Variants in PPP3R1 observed in about 807,000 individuals in gnomAD.
The protein encoded by PPP3R1 is protein phosphatase 3 regulatory subunit B, alpha.
In PPP3R1, 5 loss-of-function variants were observed where a neutral mutation model predicts 22.6. The ratio of observed to expected loss-of-function variants is 0.22; its 90% CI spans 0.12 to 0.46. The LOEUF (loss-of-function observed/expected upper bound fraction) is 0.46, where lower values mean the gene tolerates loss of function less well. Ranked by LOEUF, PPP3R1 falls within the 20% of genes least tolerant of loss-of-function variation. PPP3R1 has a pLI of 0.99. For synonymous variants in PPP3R1, 56 were observed against 65.2 expected, an observed-to-expected ratio of 0.86 and a Z score of 0.68; for missense variants, 61 against 203.2, an observed-to-expected ratio of 0.30 and a Z score of 4.25.
chr2:68,206,759 A>G (rs923811235), intron 2 of PPP3R1, among the ~76,000 whole-genome samples: 11 of 152,194 alleles, frequency 7.2e-5, no homozygotes, highest in East Asian at 3.8e-4. Context: ...TGGCTAATCC[A>G]TAAGTACTTG....
intron 1 of PPP3R1, among the ~76,000 whole-genome samples, chr2:68,221,098 G>A (rs1459764382): frequency 6.6e-6 from 1 of 152,112 alleles, no homozygotes; most frequent in Non-Finnish European, 1.5e-5. Flanking sequence ...TTGGGAGGCC[G>A]AGGCAGGCAG....
intron 1 of PPP3R1, among the ~76,000 whole-genome samples, chr2:68,233,283 A>G (rs1312052205): frequency 6.6e-6 from 1 of 152,240 alleles, no homozygotes; most frequent in Non-Finnish European, 1.5e-5. Flanking sequence ...AGTTCATGAT[A>G]CAGAGAAAAT....
rs1553403013 is a variant in PPP3R1, at chr2:68,179,009, A to AAAAAAAAAAAAAAAAAAAAAAG, written c.*1953_*1954insCTTTTTTTTTTTTTTTTTTTTT. ...CACACACAAACTAAAAAAAAAAAAA[A>AAAAAAAAAAAAAAAAAAAAAAG]AAAAAAAGAAAAAGAAAAAACCCTC... On this transcript the variant is annotated 3_prime_UTR_variant, in exon 6 of 6. Coordinates refer to ENST00000234310, the MANE Select transcript of PPP3R1 (RefSeq NM_000945.4). 1.6e-5 allele frequency: 2 copies of AAAAAAAAAAAAAAAAAAAAAAG among 122,528 alleles called. No homozygotes were observed. Among genetic ancestry groups the AAAAAAAAAAAAAAAAAAAAAAG allele is most frequent in the East Asian group, 2.4e-4 (1 of 4,188 alleles). The allele number at this position is 122,528 out of a possible 1,614,324, so 7.6% of individuals were successfully genotyped here. A position where few individuals can be genotyped will look rare whatever the true frequency, so the allele number is the denominator to read the frequency against.
At chr2:68,189,359 A>C (rs552538865) in intron 2 of PPP3R1, among the ~76,000 whole-genome samples, 1 of 152,220 alleles carries the variant, frequency 6.6e-6, no homozygotes, top group Admixed American at 6.5e-5. Flanking sequence ...AACACTTTAA[A>C]AGAGAAAGAA....
chr2:68,231,563 AACT>A (rs1237129257), intron 1 of PPP3R1, among the ~76,000 whole-genome samples: 3 of 152,174 alleles, frequency 2.0e-5, no homozygotes, highest in African/African-American at 7.2e-5. Context: ...TTTTCCTCAA[AACT>A]ACTATTACAA....
chr2:68,210,696 A>C (rs1207426529), intron 2 of PPP3R1, among the ~76,000 whole-genome samples: 1 of 152,178 alleles, frequency 6.6e-6, no homozygotes, highest in East Asian at 1.9e-4. Flanking sequence ...GGAGGCTAAA[A>C]AATGAGCCTG....
At chr2:68,243,398 A>G (rs1336255712) in intron 1 of PPP3R1, among the ~76,000 whole-genome samples, 1 of 152,180 alleles carries the variant, frequency 6.6e-6, no homozygotes, top group Non-Finnish European at 1.5e-5. Context: ...CTATGGAGAA[A>G]ATTCAGAAAG....
chr2:68,180,783 T>C lies in PPP3R1; in HGVS notation c.*180A>G, dbSNP rs371265804. ...GACTTTAAAGTGCTACACTGAGTTATTGAGAGAATTACAGTTCAATAACAC... is the reference window on the plus strand; with the variant it reads ...GACTTTAAAGTGCTACACTGAGTTACTGAGAGAATTACAGTTCAATAACAC... On this transcript the variant is annotated 3_prime_UTR_variant, in exon 6 of 6. Transcript: ENST00000234310. 1.6e-5 allele frequency: 10 copies of C among 616,126 alleles called. No individual in the cohort carries two copies. Among genetic ancestry groups the C allele is most frequent in the Admixed American group, 5.7e-5 (2 of 35,360 alleles). The allele number at this position is 616,126 out of a possible 1,614,324, so 38.2% of individuals were successfully genotyped here.
intron 1 of PPP3R1, among the ~76,000 whole-genome samples, chr2:68,230,091 T>C (rs1451909332): frequency 1.3e-5 from 2 of 151,812 alleles, no homozygotes; most frequent in Non-Finnish European, 2.9e-5. Context: ...CTCCCAGGCT[T>C]AAGCAATGCC....
At chr2:68,208,552 C>A (rs1669383269) in intron 2 of PPP3R1, among the ~76,000 whole-genome samples, 1 of 152,158 alleles carries the variant, frequency 6.6e-6, no homozygotes, top group Non-Finnish European at 1.5e-5. Context: ...TAGTTTTGGT[C>A]AATTCTAACA....
Position 68,246,306 on chromosome 2 carries a change from C to T in PPP3R1, c.3+5819G>A, listed in dbSNP as rs908854075. On this transcript the variant is annotated intron_variant, in intron 1 of 5. Coordinates refer to ENST00000234310, the MANE Select transcript of PPP3R1 (RefSeq NM_000945.4). ...GTCGGGCTGGTCTCTAACTCCCGAC[C>T]TCATGATCCGCCCGCCTCAGCCTCC... Among the ~76,000 whole-genome samples, 19 of 152,022 alleles carry T rather than the reference C, an allele frequency of 1.2e-4. No homozygotes were observed. The East Asian group carries it at 3.5e-3, about 28-fold the overall frequency.
intron 2 of PPP3R1, among the ~76,000 whole-genome samples, chr2:68,212,660 TA>T (rs1205337368): frequency 6.6e-6 from 1 of 152,230 alleles, no homozygotes; most frequent in Non-Finnish European, 1.5e-5. Flanking sequence ...GTGTCAACAG[TA>T]GGCTTAAAAT....
chr2:68,189,160 A>C (rs1250329630), intron 2 of PPP3R1, among the ~76,000 whole-genome samples: 1 of 152,170 alleles, frequency 6.6e-6, no homozygotes, highest in Non-Finnish European at 1.5e-5. Context: ...CTAATAGTTC[A>C]TGACTCAAAA....
intron 1 of PPP3R1, among the ~76,000 whole-genome samples, chr2:68,242,169 G>A (rs1007745813): frequency 2.0e-5 from 3 of 152,110 alleles, no homozygotes; most frequent in Non-Finnish European, 2.9e-5. Flanking sequence ...TGGCTCACGC[G>A]TGTAATACCA....
At position 68,252,315 on chromosome 2, in the gene PPP3R1, G is replaced by A. The variant is rs866048419; in HGVS notation, c.-188C>T. On this transcript the variant is annotated 5_prime_UTR_variant, in exon 1 of 6. Transcript: ENST00000234310. ...CCGGCCGGGCGATTGGGCACGCGAG[G>A]GAGCGGGCAGGGTAGGGGGAAATAA... 231 of 1,022,654 alleles carry A rather than the reference G, an allele frequency of 2.3e-4. 2 individuals carry two copies. The African/African-American group carries it at 3.6e-3, about 16-fold the overall frequency. The allele number at this position is 1,022,654 out of a possible 1,614,324, so 63.3% of individuals were successfully genotyped here.
rs527768548 is a variant in PPP3R1, at chr2:68,198,117, AAT to A, written c.44-9429_44-9428del. On this transcript the variant is annotated intron_variant, in intron 2 of 5. Transcript: ENST00000234310. ...ATATATATGTAAACATATATATGTAAATATATATGTAAACATGTTTACATATA... is the reference window on the plus strand; with the variant it reads ...ATATATATGTAAACATATATATGTAAATATATGTAAACATGTTTACATATA... Among the ~76,000 whole-genome samples the A allele has an allele frequency of 2.0e-3, 287 of 141,518 alleles. 3 individuals carry two copies. Among genetic ancestry groups the A allele is most frequent in the African/African-American group, 7.1e-3 (274 of 38,800 alleles). 92.8% of individuals were successfully genotyped at this position (141,518 alleles called of 152,430 possible).
chr2:68,204,337 T>TATATATATATAGTCTG (rs1675062886), intron 2 of PPP3R1, among the ~76,000 whole-genome samples: 1 of 39,624 alleles, frequency 2.5e-5, no homozygotes, highest in Admixed American at 2.5e-4. Context: ...ACACACACAC[T>TATATATATATAGTCTG]ATATATATAT....
At position 68,229,963 on chromosome 2, in the gene PPP3R1, T is replaced by TACACAC. The variant is rs1381204435; in HGVS notation, c.4-12833_4-12832insGTGTGT. On this transcript the variant is annotated intron_variant, in intron 1 of 5. Coordinates refer to ENST00000234310, the MANE Select transcript of PPP3R1 (RefSeq NM_000945.4). ...GTGTGTATATATGTGTGTGTGTATA[T>TACACAC]ATACACACATACACACACACACACA... 5.1e-4 allele frequency among the ~76,000 whole-genome samples: 35 copies of TACACAC among 68,292 alleles called. 1 individual carries two copies. The highest frequency in any genetic ancestry group is 7.0e-4 in the Non-Finnish European group (26 of 37,228). The allele number at this position is 68,292 out of a possible 152,430, so 44.8% of individuals were successfully genotyped here.
chr2:68,208,050 G>A (rs1669359118), intron 2 of PPP3R1, among the ~76,000 whole-genome samples: 1 of 152,122 alleles, frequency 6.6e-6, no homozygotes, highest in East Asian at 1.9e-4. Flanking sequence ...CAGCTACTTG[G>A]GAGGCTGAGA....
Sources: allele counts gnomAD v4.1 joint callset (sites outside exome capture counted in the v4.1 genomes callset), GRCh38; gene constraint gnomAD v4.1.1; transcripts MANE v1.5; gene names NCBI Gene and HGNC (gene_info 2026-07-23, HGNC 2026-07-21).